Variants in ARHGEF37 observed in about 807,000 individuals in gnomAD.
ARHGEF37 encodes Rho guanine nucleotide exchange factor 37, also known as Rho guanine nucleotide exchange factor (GEF) 37.
Under a neutral mutation model 71.1 loss-of-function variants are expected in ARHGEF37, and 55 were observed. The ratio of observed to expected loss-of-function variants is 0.77; its 90% CI spans 0.62 to 0.97. ARHGEF37 has a LOEUF of 0.97. Among genes scored for constraint, ARHGEF37 ranks in the 50% least tolerant of loss-of-function variants. The pLI is 0.00. For missense variants in ARHGEF37, 765 were observed against 836.8 expected (o/e 0.91, Z 1.06); for synonymous variants, 327 against 350.6 (o/e 0.93, Z 0.75).
At chr5:149,615,865 C>G (rs1167724882) in intron 4 of ARHGEF37, among the ~76,000 whole-genome samples, 1 of 152,212 alleles carries the variant, frequency 6.6e-6, no homozygotes, top group Non-Finnish European at 1.5e-5. Context: ...GCACTCCAGC[C>G]TGGTGACAGA....
rs200439928 is a variant in ARHGEF37, at chr5:149,624,027, G to T, written c.1351G>T (p.Val451Phe). 159 of 1,600,632 alleles carry T rather than the reference G, an allele frequency of 9.9e-5. No homozygotes were observed. In the East Asian group the frequency reaches 3.5e-3, roughly 35 times the overall value. ...GSMAQLPHHH[V>F]PEPAFRKLVE... ...CCCCACTTAGCTGCCCCACCACCAC[G>T]TCCCAGAGCCTGCCTTCAGGAAGCT... Residue 451 changes from valine to phenylalanine, a missense_variant, in exon 10 of 13, where the codon GTC becomes TTC. By Grantham distance (50) the Val-to-Phe change is conservative (BLOSUM62 -1). Transcript: ENST00000333677.
intron 1 of ARHGEF37, among the ~76,000 whole-genome samples, chr5:149,587,505 A>G (rs1211004305): frequency 6.6e-6 from 1 of 152,214 alleles, no homozygotes; most frequent in Admixed American, 6.5e-5. Flanking sequence ...TAAATATCCT[A>G]GGAAAGCCAG....
intron 1 of ARHGEF37, among the ~76,000 whole-genome samples, chr5:149,589,394 C>T (rs1763332817): frequency 6.6e-6 from 1 of 152,028 alleles, no homozygotes; most frequent in Admixed American, 6.6e-5. Context: ...GTGGCATGAT[C>T]ACTGTTCACT....
At chr5:149,567,674 G>T (rs1035227862) in intron 1 of ARHGEF37, among the ~76,000 whole-genome samples, 1 of 152,184 alleles carries the variant, frequency 6.6e-6, no homozygotes, top group African/African-American at 2.4e-5. Context: ...AAATTATCCA[G>T]ATTTGGTCAG....
rs147902312 is a variant in ARHGEF37 at position 149,607,505 on chromosome 5, A to G, written c.311-2043A>G. Among the ~76,000 whole-genome samples, 482 of 152,286 alleles carry G rather than the reference A, an allele frequency of 3.2e-3. 4 individuals carry two copies. The highest frequency in any genetic ancestry group is 0.011 in the African/African-American group (443 of 41,564). ...TCCGTTTTAATTCATGGCACTTATCATATGTGTATTGTCTCACGCATCCAT... is the reference window on the plus strand; with the variant it reads ...TCCGTTTTAATTCATGGCACTTATCGTATGTGTATTGTCTCACGCATCCAT... On this transcript the variant is annotated intron_variant, in intron 3 of 12. Coordinates refer to ENST00000333677, the MANE Select transcript of ARHGEF37 (RefSeq NM_001001669.3).
At chr5:149,551,777 T>A (rs151314076), upstream of ARHGEF37, among the ~76,000 whole-genome samples, 1 of 152,296 alleles carries the variant, frequency 6.6e-6, no homozygotes, top group Non-Finnish European at 1.5e-5. Flanking sequence ...TCCTTAGGAG[T>A]TGGGTATTGA....
At chr5:149,613,709 T>C (rs1371271651) in intron 4 of ARHGEF37, among the ~76,000 whole-genome samples, 1 of 151,934 alleles carries the variant, frequency 6.6e-6, no homozygotes, top group Non-Finnish European at 1.5e-5. Context: ...TGCTTAACCA[T>C]AGTAATGAAT....
intron 3 of ARHGEF37, among the ~76,000 whole-genome samples, chr5:149,605,078 T>G (rs1045951897): frequency 6.6e-6 from 1 of 151,554 alleles, no homozygotes; most frequent in East Asian, 2.0e-4. Context: ...AATACAAAAA[T>G]TAGTCGGGCG....
At chr5:149,629,830 C>G (rs1194939126) in intron 12 of ARHGEF37, among the ~76,000 whole-genome samples, 2 of 152,184 alleles carry the variant, frequency 1.3e-5, no homozygotes, top group African/African-American at 4.8e-5. Context: ...ACAACGCGAG[C>G]TCTTTGTACA....
chr5:149,556,576 G>A (rs1421934280), intron 1 of ARHGEF37, among the ~76,000 whole-genome samples: 3 of 151,932 alleles, frequency 2.0e-5, no homozygotes, highest in Non-Finnish European at 2.9e-5. Flanking sequence ...TAGTAGAGAC[G>A]GGGTTTCACC....
intron 12 of ARHGEF37, among the ~76,000 whole-genome samples, chr5:149,631,144 CTTCT>C (rs1382903287): frequency 1.7e-4 from 19 of 109,232 alleles, no homozygotes; most frequent in African/African-American, 5.0e-4. Flanking sequence ...TTCTTCCTTC[CTTCT>C]TTCCTTCCTT....
In ARHGEF37 at chr5:149,616,735, T is replaced by C; in HGVS notation, c.627T>C (p.Asn209=). 6.2e-7 allele frequency: 1 copy of C among 1,612,728 alleles called. No homozygotes were observed. The highest frequency in any genetic ancestry group is 8.5e-7 in the Non-Finnish European group (1 of 1,178,878). ...AVSALQDVNT[N]INEYKMRKEV... ...CTGCCCTCCAGGACGTGAACACCAA[T>C]ATCAATGAGTACAAGATGCGCAAGG... The change falls in exon 5 of 13, where the codon AAT becomes AAC. Residue 209 remains asparagine, a synonymous_variant. Coordinates refer to ENST00000333677, the MANE Select transcript of ARHGEF37 (RefSeq NM_001001669.3).
At chr5:149,612,312 C>T (rs967313426) in intron 4 of ARHGEF37, among the ~76,000 whole-genome samples, 16 of 152,124 alleles carry the variant, frequency 1.1e-4, no homozygotes, top group East Asian at 1.9e-4. Context: ...GGACTACAGG[C>T]GCCGGCCACC....
intron 9 of ARHGEF37, among the ~76,000 whole-genome samples, chr5:149,623,453 G>C (rs766234510): frequency 6.6e-6 from 1 of 152,214 alleles, no homozygotes; most frequent in African/African-American, 2.4e-5. Flanking sequence ...GGGCAGAAGA[G>C]TAAATCTGAT....
At chr5:149,615,274 C>A (rs1483199224) in intron 4 of ARHGEF37, among the ~76,000 whole-genome samples, 1 of 151,552 alleles carries the variant, frequency 6.6e-6, no homozygotes, top group African/African-American at 2.4e-5. Flanking sequence ...CCTGCCTTAG[C>A]CTCCTGAGTA....
At chr5:149,572,723 A>G (rs1400077954) in intron 1 of ARHGEF37, among the ~76,000 whole-genome samples, 1 of 152,146 alleles carries the variant, frequency 6.6e-6, no homozygotes, top group Admixed American at 6.6e-5. Flanking sequence ...GCCTTATCCA[A>G]TCAGTTAAAG....
chr5:149,601,203 C>T lies in ARHGEF37; in HGVS notation c.282C>T (p.Ser94=), dbSNP rs1243620796. Residue 94 remains serine (S), a synonymous_variant, in exon 3 of 13, where the codon TCC becomes TCT. Coordinates refer to ENST00000333677, the MANE Select transcript of ARHGEF37 (RefSeq NM_001001669.3). ...TCCATGATCTGCAGGAGACAGCCTCCAAGGAAGAGGAACAAGTGCAGCTAG... is the reference window on the plus strand; with the variant it reads ...TCCATGATCTGCAGGAGACAGCCTCTAAGGAAGAGGAACAAGTGCAGCTAG... The part of the protein sequence containing the change: ...RFLHDLQETA[S]KEEEQVQLVG... The T allele has an allele frequency of 6.2e-7, 1 of 1,612,700 alleles. No homozygotes were observed.
At chr5:149,557,664 C>A (rs1762772758) in intron 1 of ARHGEF37, among the ~76,000 whole-genome samples, 1 of 152,108 alleles carries the variant, frequency 6.6e-6, no homozygotes, top group Admixed American at 6.6e-5. Context: ...TTGCTTTAGC[C>A]TCCCATCCAG....
intron 9 of ARHGEF37, among the ~76,000 whole-genome samples, chr5:149,623,056 G>A (rs112469197): frequency 2.6e-5 from 4 of 152,222 alleles, no homozygotes; most frequent in African/African-American, 9.6e-5. Flanking sequence ...GCTGGATGTG[G>A]CCACTCTGCA....
Sources: gnomAD v4.1 joint callset for allele counts (sites outside exome capture counted in the v4.1 genomes callset) on GRCh38, gnomAD v4.1.1 for gene constraint, MANE v1.5 for transcripts, NCBI Gene and HGNC (gene_info 2026-07-23, HGNC 2026-07-21) for gene names.